The following N4BP2L2 variants were observed in gnomAD, a reference collection of about 807,000 sequenced individuals.
N4BP2L2 encodes NEDD4 binding protein 2 like 2, also known as NEDD4-binding protein 2-like 2.
A neutral mutation model predicts 56.2 loss-of-function variants in N4BP2L2; 50 were observed. The ratio of observed to expected loss-of-function variants is 0.89; its 90% CI spans 0.71 to 1.13. The LOEUF is 1.13. Among genes scored for constraint, N4BP2L2 ranks in the 50% most tolerant of loss-of-function variants. The probability of loss-of-function intolerance (pLI) is 0.00; values close to 1 mark genes in which losing one functional copy is unlikely to be tolerated. For missense variants in N4BP2L2, 689 were observed against 693.8 expected (o/e 0.99, Z 0.08); for synonymous variants, 203 against 223.6 (o/e 0.91, Z 0.82).
chr13:32,525,190 G>A (rs1229684494), intron 3 of N4BP2L2: 4 of 151,828 alleles, frequency 2.6e-5, no homozygotes, highest in African/African-American at 9.7e-5. Flanking sequence ...TTACCTTTAG[G>A]CCAGTAACTC....
chr13:32,447,165 C>G (rs2077170285), intron 6 of N4BP2L2, among the ~76,000 whole-genome samples: 1 of 152,206 alleles, frequency 6.6e-6, no homozygotes, highest in African/African-American at 2.4e-5. Flanking sequence ...TTCTTGGGCC[C>G]TGACTCCTGT....
At chr13:32,527,811 G>A (rs533577941) in intron 2 of N4BP2L2, among the ~76,000 whole-genome samples, 16 of 143,208 alleles carry the variant, frequency 1.1e-4, no homozygotes, top group African/African-American at 3.1e-4. Context: ...GGTCTCTGTC[G>A]CCCAGGCTGG....
chr13:32,470,178 T>C (rs2138905306), intron 6 of N4BP2L2, among the ~76,000 whole-genome samples: 1 of 152,318 alleles, frequency 6.6e-6, no homozygotes, highest in African/African-American at 2.4e-5. Flanking sequence ...AGCTGTGCTG[T>C]CTGTCACAGA....
intron 6 of N4BP2L2, chr13:32,504,479 C>T (rs1485261151): frequency 3.1e-4 from 47 of 152,194 alleles, no homozygotes; most frequent in Admixed American, 3.1e-3. Flanking sequence ...GATTAGGGCT[C>T]ATATGTATAA....
chr13:32,507,420 A>T (rs1310421015), downstream of N4BP2L2: 2 of 152,190 alleles, frequency 1.3e-5, no homozygotes. Context: ...GAGCTCCTAC[A>T]GTACTACAGG....
At chr13:32,442,249 G>T in intron 7 of N4BP2L2, 1 of 746,206 alleles carries the variant, frequency 1.3e-6, no homozygotes, top group Non-Finnish European at 2.1e-6. Context: ...CGTTTGCTAT[G>T]GATCCTCACT....
intron 6 of N4BP2L2, among the ~76,000 whole-genome samples, chr13:32,466,261 T>G (rs899122775): frequency 6.6e-6 from 1 of 152,072 alleles, no homozygotes; most frequent in African/African-American, 2.4e-5. Flanking sequence ...AAAACAATAT[T>G]GAGCAAAAGA....
At chr13:32,443,297 T>G (rs781058717) in exon 7 of N4BP2L2, 1 of 1,614,026 alleles carries the variant, frequency 6.2e-7, no homozygotes, top group Non-Finnish European at 8.5e-7. Flanking sequence ...TGCCCCCTGC[T>G]GTCAGGACCA....
intron 4 of N4BP2L2, 122 bp downstream of exon 4, chr13:32,522,059 CA>C: frequency 1.5e-6 from 1 of 664,426 alleles, no homozygotes; most frequent in East Asian, 2.9e-5. Context: ...AGCAAACCAA[CA>C]AACCTCTTTA....
chr13:32,538,325 G>T (rs1337316722), intron 1 of N4BP2L2, among the ~76,000 whole-genome samples: 1 of 152,100 alleles, frequency 6.6e-6, no homozygotes, highest in East Asian at 1.9e-4. Flanking sequence ...GAAAAGTCCC[G>T]AAGAAAAGCA....
chr13:32,436,352 C>T, intron 9 of N4BP2L2: 1 of 1,227,150 alleles, frequency 8.1e-7, no homozygotes, highest in Non-Finnish European at 1.1e-6. Flanking sequence ...TAGAATAAGT[C>T]ATACTTACAG....
intron 6 of N4BP2L2, among the ~76,000 whole-genome samples, chr13:32,450,019 A>T (rs2138439703): frequency 6.6e-6 from 1 of 152,368 alleles, no homozygotes; most frequent in East Asian, 1.9e-4. Flanking sequence ...TGAGACAAAG[A>T]CACAGAAGTT....
intron 6 of N4BP2L2, among the ~76,000 whole-genome samples, chr13:32,450,674 A>C (rs902080595): frequency 2.0e-5 from 3 of 150,414 alleles, no homozygotes; most frequent in African/African-American, 4.9e-5. Flanking sequence ...TCTGTTACCC[A>C]GGCTGGAGTG....
intron 6 of N4BP2L2, among the ~76,000 whole-genome samples, chr13:32,487,761 A>G (rs2086207290): frequency 6.6e-6 from 1 of 152,220 alleles, no homozygotes; most frequent in South Asian, 2.1e-4. Flanking sequence ...CATATAGGAA[A>G]TATGAATCAT....
At position 32,520,281 on chromosome 13, in the gene N4BP2L2, G is replaced by A. The variant is rs558135972; in HGVS notation, c.1550+1092C>T. 9.2e-5 allele frequency among the ~76,000 whole-genome samples: 14 copies of A among 151,956 alleles called. No homozygotes were observed. In the South Asian group the frequency reaches 2.5e-3, roughly 27 times the overall value. ...GCAATTAAATAGGTGAATTGTAAGG[G>A]TACGTGAATTTTATCGCAATAAAGT... On this transcript the variant is annotated intron_variant, in intron 5 of 5. Transcript: ENST00000267068.
intron 5 of N4BP2L2, among the ~76,000 whole-genome samples, chr13:32,519,641 C>T (rs1249174746): frequency 1.3e-5 from 2 of 151,848 alleles, no homozygotes; most frequent in African/African-American, 2.4e-5. Context: ...CAAAATGAGA[C>T]TCTGTCTGAA....
intron 5 of N4BP2L2, 34 bp from the exon 6 acceptor site, chr13:32,518,037 T>G (rs2049650683): frequency 6.2e-7 from 1 of 1,601,958 alleles, no homozygotes; most frequent in African/African-American, 1.3e-5. Flanking sequence ...AAATCTTTGT[T>G]GCAGAATGTA....
chr13:32,487,108 CAT>C (rs1444384002), intron 6 of N4BP2L2, among the ~76,000 whole-genome samples: 1 of 152,180 alleles, frequency 6.6e-6, no homozygotes, highest in Non-Finnish European at 1.5e-5. Flanking sequence ...AGAAGGATCA[CAT>C]GAGGCCAGGA....
At chr13:32,438,605 A>C (rs138840631) in intron 8 of N4BP2L2, 1 of 1,456,568 alleles carries the variant, frequency 6.9e-7, no homozygotes, top group South Asian at 1.2e-5. Context: ...GTCTCAAACA[A>C]CAACAACAAC....
Sources: allele counts gnomAD v4.1 joint callset (sites outside exome capture counted in the v4.1 genomes callset), GRCh38; gene constraint gnomAD v4.1.1; transcripts MANE v1.5; gene names NCBI Gene and HGNC (gene_info 2026-07-23, HGNC 2026-07-21).